FHIT: variants seen among roughly 807,000 people sequenced by gnomAD.
FHIT encodes fragile histidine triad diadenosine triphosphatase.
In FHIT, 19 loss-of-function variants were observed where a neutral mutation model predicts 17.9. The observed-to-expected ratio is 1.06, with a 90% CI of 0.74 to 1.56. The LOEUF is 1.56. FHIT is among the 40% of genes most tolerant of loss of function. The probability of loss-of-function intolerance (pLI) is 0.00; values close to 1 mark genes in which losing one functional copy is unlikely to be tolerated. For synonymous variants in FHIT, 81 were observed against 69.7 expected, an observed-to-expected ratio of 1.16 and a Z score of -0.81; for missense variants, 248 against 189.2, an observed-to-expected ratio of 1.31 and a Z score of -1.82.
At chr3:60,929,944 G>T (rs368730907) in intron 3 of FHIT, among the ~76,000 whole-genome samples, 16 of 152,286 alleles carry the variant, frequency 1.1e-4, no homozygotes, top group Admixed American at 5.9e-4. Flanking sequence ...GAGGCATCAT[G>T]CTACCTGACT....
At chr3:60,485,872 T>C (rs2033816325) in intron 5 of FHIT, among the ~76,000 whole-genome samples, 1 of 152,154 alleles carries the variant, frequency 6.6e-6, no homozygotes, top group South Asian at 2.1e-4. Flanking sequence ...CATCTTTTCA[T>C]ATACAGACCC....
At position 59,923,649 on chromosome 3, in the gene FHIT, G is replaced by T. The variant is rs1705518959; in HGVS notation, c.280-1235C>A. On this transcript the variant is annotated intron_variant, in intron 7 of 9. Coordinates refer to ENST00000492590, the MANE Select transcript of FHIT (RefSeq NM_002012.4). ...TGTTCCACTTTTATTACAAACCGTG[G>T]GGAGGAATGCGAAAATGAAGAGCTT... is the stretch of plus-strand genomic sequence containing the variant. Among the ~76,000 whole-genome samples, 3 of 152,254 alleles carry T rather than the reference G, an allele frequency of 2.0e-5. No individual in the cohort carries two copies. In the South Asian group the frequency reaches 6.2e-4, roughly 32 times the overall value.
intron 5 of FHIT, among the ~76,000 whole-genome samples, chr3:60,084,670 C>A (rs146206835): frequency 1.3e-5 from 2 of 152,060 alleles, no homozygotes; most frequent in African/African-American, 4.8e-5. Context: ...CGAGTAAACA[C>A]GCTGAGGACT....
chr3:59,981,622 G>C (rs1216297235), intron 7 of FHIT, among the ~76,000 whole-genome samples: 1 of 152,130 alleles, frequency 6.6e-6, no homozygotes, highest in African/African-American at 2.4e-5. Context: ...CAGCCTCAGA[G>C]TAAAGAACAT....
chr3:60,528,464 G>A (rs907088994), intron 5 of FHIT, among the ~76,000 whole-genome samples: 16 of 151,834 alleles, frequency 1.1e-4, no homozygotes, highest in Non-Finnish European at 2.2e-4. Context: ...GAAGGAAATT[G>A]CCTCAGTATC....
chr3:60,330,621 C>A (rs1263898818), intron 5 of FHIT, among the ~76,000 whole-genome samples: 2 of 152,154 alleles, frequency 1.3e-5, no homozygotes, highest in Non-Finnish European at 2.9e-5. Context: ...AAACACCAAA[C>A]CCGTTTCTAG....
At chr3:60,984,927 A>T (rs769298921) in intron 3 of FHIT, among the ~76,000 whole-genome samples, 7 of 152,092 alleles carry the variant, frequency 4.6e-5, no homozygotes, top group Non-Finnish European at 7.4e-5. Context: ...CGTATAGAGA[A>T]TCCCTGGAGT....
chr3:60,570,737 TAAAAAAA>T (rs10637926), intron 4 of FHIT, among the ~76,000 whole-genome samples: 54 of 132,522 alleles, frequency 4.1e-4, no homozygotes, highest in African/African-American at 1.5e-3. Flanking sequence ...ATTAAAAAAT[TAAAAAAA>T]AAAAAAAAAA....
At chr3:60,570,513 T>C (rs1010716528) in intron 4 of FHIT, among the ~76,000 whole-genome samples, 3 of 152,076 alleles carry the variant, frequency 2.0e-5, no homozygotes, top group African/African-American at 7.2e-5. Context: ...ACCAAGCTTC[T>C]TGGCCTTCTA....
At chr3:60,522,214 A>C (rs981361990) in intron 5 of FHIT, among the ~76,000 whole-genome samples, 1 of 150,476 alleles carries the variant, frequency 6.6e-6, no homozygotes, top group Non-Finnish European at 1.5e-5. Flanking sequence ...GAGTTCAAGC[A>C]ATTATCGTGT....
At chr3:61,204,139 A>T (rs1411724351) in intron 1 of FHIT, among the ~76,000 whole-genome samples, 1 of 152,252 alleles carries the variant, frequency 6.6e-6, no homozygotes, top group South Asian at 2.1e-4. Flanking sequence ...CAAAAAGGCA[A>T]AAATAAATAC....
intron 5 of FHIT, among the ~76,000 whole-genome samples, chr3:60,353,281 G>A (rs1699502641): frequency 6.6e-6 from 1 of 152,036 alleles, no homozygotes; most frequent in African/African-American, 2.4e-5. Context: ...GTGGGGTGCT[G>A]CTTCTCTTTT....
At chr3:60,414,976 G>A (rs1702191842) in intron 5 of FHIT, among the ~76,000 whole-genome samples, 1 of 152,122 alleles carries the variant, frequency 6.6e-6, no homozygotes, top group African/African-American at 2.4e-5. Flanking sequence ...AAATCATTTG[G>A]GAGCTTGTTA....
chr3:60,899,464 T>C (rs1553762673), intron 3 of FHIT, among the ~76,000 whole-genome samples: 1 of 152,214 alleles, frequency 6.6e-6, no homozygotes, highest in Admixed American at 6.5e-5. Flanking sequence ...TTGTATTTTT[T>C]CATATGAATA....
In FHIT at chr3:60,859,723, A is replaced by ATTTTTTT. The variant is rs71092647; in HGVS notation, c.-110-37719_-110-37713dup. On this transcript the variant is annotated intron_variant, in intron 3 of 9. Coordinates refer to ENST00000492590, the MANE Select transcript of FHIT (RefSeq NM_002012.4). ...ACATTTGCAGTGGATTCTGAATACG[A>ATTTTTTT]TTTTTTTTTTTTTTTTTTTTTTTTT... is the stretch of plus-strand genomic sequence containing the variant. Among the ~76,000 whole-genome samples, 404 of 51,924 alleles carry ATTTTTTT rather than the reference A, an allele frequency of 7.8e-3. 71 individuals are homozygous for ATTTTTTT. The highest frequency in any genetic ancestry group is 9.8e-3 in the Non-Finnish European group (288 of 29,368). The allele number at this position is 51,924 out of a possible 152,430, so 34.1% of individuals were successfully genotyped here.
intron 2 of FHIT, among the ~76,000 whole-genome samples, chr3:61,161,498 A>G (rs143904143): frequency 6.6e-5 from 10 of 152,320 alleles, no homozygotes; most frequent in Admixed American, 2.6e-4. Context: ...CACTGCACCC[A>G]GCCACAAATT....
chr3:60,364,934 AC>A (rs889821534), intron 5 of FHIT, among the ~76,000 whole-genome samples: 1 of 152,066 alleles, frequency 6.6e-6, no homozygotes, highest in African/African-American at 2.4e-5. Context: ...ATTAAATCAT[AC>A]CATAGGCTTT....
chr3:60,494,169 T>C (rs1431691159), intron 5 of FHIT, among the ~76,000 whole-genome samples: 1 of 152,270 alleles, frequency 6.6e-6, no homozygotes, highest in Admixed American at 6.5e-5. Context: ...GTTTTCATCA[T>C]CCCAAAAGAA....
At chr3:60,506,579 A>G (rs1018253396) in intron 5 of FHIT, among the ~76,000 whole-genome samples, 6 of 152,142 alleles carry the variant, frequency 3.9e-5, no homozygotes, top group African/African-American at 7.2e-5. Context: ...TACTGATTTC[A>G]AGATGGTCAT....
Sources: gnomAD v4.1 joint callset for allele counts (sites outside exome capture counted in the v4.1 genomes callset) on GRCh38, gnomAD v4.1.1 for gene constraint, MANE v1.5 for transcripts, NCBI Gene and HGNC (gene_info 2026-07-23, HGNC 2026-07-21) for gene names.